The following GTF2H1 variants were observed in gnomAD, a reference collection of about 807,000 sequenced individuals.
GTF2H1 encodes the protein BTF2 p62.
In GTF2H1, 16 loss-of-function variants were observed where a neutral mutation model predicts 71.2. The ratio of observed to expected loss-of-function variants is 0.22; its 90% CI spans 0.15 to 0.34. GTF2H1 has a LOEUF of 0.34. GTF2H1 is among the 10% of genes least tolerant of loss of function. The probability of loss-of-function intolerance (pLI) is 1.00; values close to 1 mark genes in which losing one functional copy is unlikely to be tolerated. For synonymous variants in GTF2H1, 215 were observed against 219.0 expected (o/e 0.98, Z 0.16); for missense variants, 498 against 648.2 (o/e 0.77, Z 2.52).
At chr11:18,344,445 C>G (rs1314999749) in intron 7 of GTF2H1, among the ~76,000 whole-genome samples, 1 of 151,778 alleles carries the variant, frequency 6.6e-6, no homozygotes, top group Non-Finnish European at 1.5e-5. Context: ...ATGGTGAAAC[C>G]CCATCTCCAC....
intron 1 of GTF2H1, among the ~76,000 whole-genome samples, chr11:18,325,339 G>A (rs982753798): frequency 4.6e-5 from 7 of 152,228 alleles, no homozygotes; most frequent in South Asian, 4.1e-4. Context: ...ACATTGATCT[G>A]TGAATTGAAA....
chr11:18,350,013 A>G (rs11024625), intron 9 of GTF2H1, among the ~76,000 whole-genome samples: 1 of 152,134 alleles, frequency 6.6e-6, no homozygotes, highest in African/African-American at 2.4e-5. Context: ...TCTCTACTGA[A>G]TGTGAATCAC....
chr11:18,346,754 T>TTG (rs1297843936), intron 7 of GTF2H1, among the ~76,000 whole-genome samples: 1 of 143,766 alleles, frequency 7.0e-6, no homozygotes, highest in African/African-American at 2.6e-5. Context: ...TTTTTTTTTT[T>TTG]TGAGACAGTC....
Position 18,336,289 on chromosome 11 carries a change from G to A in GTF2H1, c.347+343G>A, listed in dbSNP as rs1301811351. 9.9e-5 allele frequency among the ~76,000 whole-genome samples: 15 copies of A among 152,116 alleles called. No homozygotes were observed. The East Asian group carries it at 2.9e-3, about 29-fold the overall frequency. On this transcript the variant is annotated intron_variant, in intron 3 of 14. Transcript: ENST00000265963. ...CTACAGGCATGTGCCACCATGCCCG[G>A]CTAATTTTTGTAATTTTAATAGAGA...
At position 18,335,764 on chromosome 11, in the gene GTF2H1, T is replaced by C. The variant is rs1018839701; in HGVS notation, c.165T>C (p.Ile55=). 1.2e-6 allele frequency: 2 copies of C among 1,613,262 alleles called. No individual in the cohort carries two copies. Among genetic ancestry groups the C allele is most frequent in the Non-Finnish European group, 8.5e-7 (1 of 1,179,498 alleles). The change falls in exon 3 of 15, where the codon ATT becomes ATC. Residue 55 remains isoleucine, a synonymous_variant. Transcript: ENST00000265963. ...HMYADIKCQK[I]SPEGKAKIQL... is the part of the protein sequence containing the mutation. ...CATGCTTCTTTTTAGGCCAGAAAAT[T>C]AGTCCAGAAGGAAAAGCTAAAATTC... is the stretch of plus-strand genomic sequence containing the variant.
intron 1 of GTF2H1, among the ~76,000 whole-genome samples, chr11:18,326,447 G>T (rs10741743): frequency 1.1e-4 from 16 of 151,814 alleles, no homozygotes; most frequent in East Asian, 9.7e-4. Context: ...GCTTGAATCC[G>T]GGAGGTGGAG....
intron 1 of GTF2H1, among the ~76,000 whole-genome samples, chr11:18,329,859 A>G (rs1398169555): frequency 6.6e-6 from 1 of 152,394 alleles, no homozygotes; most frequent in Admixed American, 6.5e-5. Context: ...GGATTTCAAA[A>G]AACATGTTAA....
Position 18,366,120 on chromosome 11 carries a change from C to T in GTF2H1, c.*251C>T. 1 of 513,244 alleles carries T rather than the reference C, an allele frequency of 1.9e-6. No homozygotes were observed. Among genetic ancestry groups the T allele is most frequent in the African/African-American group, 1.9e-5 (1 of 52,380 alleles). 31.8% of individuals were successfully genotyped at this position (513,244 alleles called of 1,614,324 possible). A position where few individuals can be genotyped will look rare whatever the true frequency, so the allele number is the denominator to read the frequency against. ...TAAGTTGCAAATATATATATATACA[C>T]ACACACACATATATGTACATGTGTA... is the stretch of plus-strand genomic sequence containing the variant. On this transcript the variant is annotated 3_prime_UTR_variant, in exon 15 of 15. Coordinates refer to ENST00000265963, the MANE Select transcript of GTF2H1 (RefSeq NM_005316.4).
rs756375241 is a variant in GTF2H1 at position 18,347,640 on chromosome 11, A to C, written c.890A>C (p.Glu297Ala). The C allele has an allele frequency of 6.2e-7, 1 of 1,611,292 alleles. No individual in the cohort carries two copies. Among genetic ancestry groups the C allele is most frequent in the East Asian group, 2.2e-5 (1 of 44,870 alleles). Reference sequence around the variant, plus strand: ...GCTTCCAATTCTAAATCCATAAAAGAGAATAGTAATGCTGCCATCATCAAG... The same window carrying C: ...GCTTCCAATTCTAAATCCATAAAAGCGAATAGTAATGCTGCCATCATCAAG... The part of the protein sequence containing the change: ...PSASNSKSIK[E>A]NSNAAIIKRF... Residue 297 changes from glutamate to alanine, a missense_variant, in exon 8 of 15, where the codon GAG (glutamate) becomes GCG (alanine). Around this residue, in one of 3 missense-constraint regions of GTF2H1, gnomAD observed 266 missense variants for 301.6 expected, o/e 0.88. Transcript: ENST00000265963.
chr11:18,336,758 T>C (rs1046575679), intron 3 of GTF2H1, among the ~76,000 whole-genome samples: 5 of 39,694 alleles, frequency 1.3e-4, no homozygotes, highest in Non-Finnish European at 2.6e-4. Flanking sequence ...ATAATGAGAA[T>C]TTTTTTTTTT....
intron 14 of GTF2H1, among the ~76,000 whole-genome samples, chr11:18,363,407 T>C (rs1004017048): frequency 1.5e-4 from 23 of 152,188 alleles, no homozygotes; most frequent in African/African-American, 5.5e-4. Context: ...GAGTGAATAA[T>C]GTGCTGCTGT....
chr11:18,356,591 GTGTT>G (rs1865553664), intron 11 of GTF2H1, among the ~76,000 whole-genome samples: 1 of 152,016 alleles, frequency 6.6e-6, no homozygotes, highest in Non-Finnish European at 1.5e-5. Context: ...GGGGGTGGTG[GTGTT>G]TGTTTGATTT....
chr11:18,365,736 T>C lies in GTF2H1; in HGVS notation c.1561-47T>C, dbSNP rs369598614. 3 of 1,317,584 alleles carry C rather than the reference T, an allele frequency of 2.3e-6. No homozygotes were observed. In the African/African-American group the frequency reaches 4.3e-5, roughly 19 times the overall value. The allele number at this position is 1,317,584 out of a possible 1,614,324, so 81.6% of individuals were successfully genotyped here. A position where few individuals can be genotyped will look rare whatever the true frequency, so the allele number is the denominator to read the frequency against. On this transcript the variant is annotated intron_variant, in intron 14 of 14. Coordinates refer to ENST00000265963, the MANE Select transcript of GTF2H1 (RefSeq NM_005316.4). ...CCAGATTTGGGTTGGAAGGATTAACTTCCCCTGCTTTTGCCCAGTTGTTAA... is the reference window on the plus strand; with the variant it reads ...CCAGATTTGGGTTGGAAGGATTAACCTCCCCTGCTTTTGCCCAGTTGTTAA...
chr11:18,341,569 C>T lies in GTF2H1; in HGVS notation c.799C>T (p.Leu267=), dbSNP rs755027201. The change falls in exon 7 of 15, where the codon CTA becomes TTA. Residue 267 remains leucine, a synonymous_variant. Transcript: ENST00000265963. Reference sequence around the variant, plus strand: ...TTCATTAGGAGTGAAAAACCCACTACTAGATTTAACAGCTTTGGAAGATAA... The same window carrying T: ...TTCATTAGGAGTGAAAAACCCACTATTAGATTTAACAGCTTTGGAAGATAA... ...MVSLGVKNPL[L]DLTALEDKPL... The T allele has an allele frequency of 1.2e-6, 2 of 1,610,464 alleles. No homozygotes were observed. Among genetic ancestry groups the T allele is most frequent in the African/African-American group, 2.7e-5 (2 of 74,770 alleles).
intron 2 of GTF2H1, 65 bp downstream of exon 2, chr11:18,333,293 G>T: frequency 1.7e-6 from 2 of 1,176,426 alleles, no homozygotes; most frequent in East Asian, 2.4e-5. Context: ...TTTGTAAAGA[G>T]ATTATATAAA....
intron 2 of GTF2H1, among the ~76,000 whole-genome samples, chr11:18,334,531 A>G (rs892009084): frequency 3.9e-5 from 6 of 151,916 alleles, no homozygotes; most frequent in African/African-American, 1.4e-4. Flanking sequence ...TGTAATACAC[A>G]CGCACATTGT....
At position 18,357,987 on chromosome 11, in the gene GTF2H1, A is replaced by G. The variant is rs145545919; in HGVS notation, c.1296A>G (p.Thr432=). ...GTAGTGCTGCCAGTAGTACCATCACAGCACTGTCACCTGGAGGGGCACTTA... is the reference window on the plus strand; with the variant it reads ...GTAGTGCTGCCAGTAGTACCATCACGGCACTGTCACCTGGAGGGGCACTTA... The part of the protein sequence containing the change: ...LSSSAASSTI[T]ALSPGGALMQ... Residue 432 remains threonine, a synonymous_variant, in exon 12 of 15, where the codon ACA becomes ACG. Coordinates refer to ENST00000265963, the MANE Select transcript of GTF2H1 (RefSeq NM_005316.4). 53 of 1,612,860 alleles carry G rather than the reference A, an allele frequency of 3.3e-5. No individual in the cohort carries two copies. In the African/African-American group the frequency reaches 6.9e-4, roughly 21 times the overall value.
intron 7 of GTF2H1, among the ~76,000 whole-genome samples, chr11:18,342,681 T>C (rs977807698): frequency 3.9e-5 from 6 of 152,208 alleles, no homozygotes; most frequent in African/African-American, 1.4e-4. Context: ...AAAATAAAGC[T>C]TAGTGGCGCT....
In GTF2H1 at chr11:18,366,151, A is replaced by G. The variant is rs1385999558; in HGVS notation, c.*282A>G. On this transcript the variant is annotated 3_prime_UTR_variant, in exon 15 of 15. Transcript: ENST00000265963. ...CACATATATGTACATGTGTATGTACATATATATTTTAAAAGACTGTTTACT... is the reference window on the plus strand; with the variant it reads ...CACATATATGTACATGTGTATGTACGTATATATTTTAAAAGACTGTTTACT... 5 of 333,988 alleles carry G rather than the reference A, an allele frequency of 1.5e-5. No individual in the cohort carries two copies. The highest frequency in any genetic ancestry group is 6.3e-5 in the African/African-American group (3 of 47,380). The allele number at this position is 333,988 out of a possible 1,614,324, so 20.7% of individuals were successfully genotyped here. A position where few individuals can be genotyped will look rare whatever the true frequency, so the allele number is the denominator to read the frequency against.
Sources: gnomAD v4.1 joint callset for allele counts (sites outside exome capture counted in the v4.1 genomes callset) on GRCh38, gnomAD v4.1.1 for gene constraint, gnomAD v4.1.1 regional missense constraint, MANE v1.5 for transcripts, NCBI Gene and HGNC (gene_info 2026-07-23, HGNC 2026-07-21) for gene names.